EPB41L1: variants seen among roughly 807,000 people sequenced by gnomAD.
The protein encoded by EPB41L1 is band 4.1-like protein 1.
A neutral mutation model predicts 97.8 loss-of-function variants in EPB41L1; 29 were observed. The ratio of observed to expected loss-of-function variants is 0.30; its 90% confidence interval spans 0.22 to 0.40. The LOEUF is 0.40. Among genes scored for constraint, EPB41L1 ranks in the 10% least tolerant of loss-of-function variants. The pLI is 1.00. For synonymous variants in EPB41L1, 383 were observed against 459.2 expected (o/e 0.83, Z 2.12); for missense variants, 812 against 1,162.3 (o/e 0.70, Z 4.38).
rs115152947 is a variant in EPB41L1 at position 36,201,323 on chromosome 20, G to A, written c.1668+3282G>A. Among the ~76,000 whole-genome samples, 1,204 of 152,252 alleles carry A rather than the reference G, an allele frequency of 7.9e-3. 12 individuals are homozygous for A. The highest frequency in any genetic ancestry group is 0.028 in the African/African-American group (1,156 of 41,536). On this transcript the variant is annotated intron_variant, in intron 14 of 21. Transcript: ENST00000338074. ...GTGAGGCAGGTGACTCTAGAGGCAG[G>A]CCCTGACTTCTATGCTTAGGGTCAG...
intron 2 of EPB41L1, among the ~76,000 whole-genome samples, chr20:36,123,727 T>C (rs2058847491): frequency 6.6e-6 from 1 of 152,182 alleles, no homozygotes; most frequent in South Asian, 2.1e-4. Context: ...CCACTGCGCT[T>C]GGGCAGAAAA....
intron 1 of EPB41L1, among the ~76,000 whole-genome samples, chr20:36,160,572 A>G (rs1038644307): frequency 4.3e-4 from 66 of 152,074 alleles, no homozygotes; most frequent in Non-Finnish European, 5.7e-4. Flanking sequence ...CCTGGGTGAC[A>G]GAGCGAGACT....
intron 2 of EPB41L1, among the ~76,000 whole-genome samples, chr20:36,112,661 T>G (rs2058444028): frequency 6.6e-6 from 1 of 152,174 alleles, no homozygotes; most frequent in South Asian, 2.1e-4. Flanking sequence ...CCCTCCCTGG[T>G]TTTGGCTTGT....
At chr20:36,153,412 C>G (rs2060137246), upstream of EPB41L1, among the ~76,000 whole-genome samples, 1 of 152,150 alleles carries the variant, frequency 6.6e-6, no homozygotes. Context: ...TGCTTCCCAG[C>G]TTGGGGCCTC....
rs771179516 is a variant in EPB41L1, at chr20:36,093,672, T to TGTGC, written c.-65+2076_-65+2079dup. On this transcript the variant is annotated intron_variant, in intron 1 of 19. Transcript: ENST00000202028. The surrounding 1 kb of genome is among the most constrained non-coding windows in gnomAD (Gnocchi z 5.4). ...GAGGGCGTGTCCTGCTTGAAGCCCG[T>TGTGC]GTGCGTGCGTGCGTGCGTGTGTGTG... Among the ~76,000 whole-genome samples, 5 of 148,390 alleles carry TGTGC rather than the reference T, an allele frequency of 3.4e-5. No individual in the cohort carries two copies. The highest frequency in any genetic ancestry group is 2.1e-4 in the South Asian group (1 of 4,652).
chr20:36,175,692 T>G lies in EPB41L1; in HGVS notation c.319T>G (p.Ser107Ala), dbSNP rs375649709. The G allele has an allele frequency of 1.6e-5, 26 of 1,613,912 alleles. No individual in the cohort carries two copies. The highest frequency in any genetic ancestry group is 2.1e-5 in the Non-Finnish European group (25 of 1,180,016). Residue 107 changes from serine (S) to alanine (A), a missense_variant, in exon 3 of 22, where the codon TCG (serine) becomes GCG (alanine). By Grantham distance (99) the Ser-to-Ala change is moderately conservative. This residue lies in a region of EPB41L1 where 230 missense variants were observed against 445.2 expected (regional missense o/e 0.52). Transcript: ENST00000338074. Reference protein sequence around the residue: ...AICRVTLLDASEYECEVEKHG... With the variant: ...AICRVTLLDAAEYECEVEKHG... The stretch of plus-strand genomic sequence containing the variant: ...CTGCCGGGTCACTCTGCTTGATGCC[T>G]CGGAGTATGAGTGTGAGGTGGAGGT...
At chr20:36,096,704 T>C (rs1028416734) in intron 1 of EPB41L1, among the ~76,000 whole-genome samples, 1 of 152,242 alleles carries the variant, frequency 6.6e-6, no homozygotes. Flanking sequence ...TCACAGGGCT[T>C]GTGAGAATTT....
At chr20:36,223,870 CA>C (rs1318142033) in intron 21 of EPB41L1, among the ~76,000 whole-genome samples, 1 of 152,156 alleles carries the variant, frequency 6.6e-6, no homozygotes, top group African/African-American at 2.4e-5. Context: ...GTACTTCACA[CA>C]TTTCATGGGC....
chr20:36,101,816 C>A (rs1304083056), intron 1 of EPB41L1, among the ~76,000 whole-genome samples: 1 of 152,078 alleles, frequency 6.6e-6, no homozygotes. Context: ...CGAGACCAGC[C>A]TGACATGGTG....
At chr20:36,162,466 A>G (rs1365091107) in intron 1 of EPB41L1, among the ~76,000 whole-genome samples, 1 of 152,182 alleles carries the variant, frequency 6.6e-6, no homozygotes. Context: ...CTTGAAACTG[A>G]CTAGCCATGT....
At chr20:36,201,830 C>T (rs1004528693) in intron 14 of EPB41L1, among the ~76,000 whole-genome samples, 3 of 152,114 alleles carry the variant, frequency 2.0e-5, no homozygotes, top group East Asian at 1.9e-4. Flanking sequence ...AGCTACTGAG[C>T]GATCATCTGG....
rs2058679247 is a variant in EPB41L1 at position 36,119,382 on chromosome 20, C to T, written c.-10+6902C>T. Among the ~76,000 whole-genome samples, 3 of 152,132 alleles carry T rather than the reference C, an allele frequency of 2.0e-5. 1 individual carries two copies. Among genetic ancestry groups the T allele is most frequent in the Non-Finnish European group, 4.4e-5 (3 of 68,022 alleles). The stretch of plus-strand genomic sequence containing the variant: ...CTTTGGGAGGCTGAGGTGGGCAGAT[C>T]GCTGGAGGTCAGTAGTTTGAGAACA... On this transcript the variant is annotated intron_variant, in intron 2 of 19. Coordinates refer to the EPB41L1 transcript ENST00000202028.
chr20:36,143,137 TTGTGTGTGTGTG>T lies in EPB41L1; in HGVS notation c.-10+30691_-10+30702del, dbSNP rs59256378. On this transcript the variant is annotated intron_variant, in intron 2 of 19. Coordinates refer to the EPB41L1 transcript ENST00000202028. ...TGTGGCTATGTGAGGGAGGGTGTGT[TTGTGTGTGTGTG>T]TGTGTGTGTGTGTGTGTGTGTGTGT... Among the ~76,000 whole-genome samples, 888 of 130,814 alleles carry T rather than the reference TTGTGTGTGTGTG, an allele frequency of 6.8e-3. 8 individuals are homozygous for T. Among genetic ancestry groups the T allele is most frequent in the Admixed American group, 0.011 (150 of 13,062 alleles). The allele number at this position is 130,814 out of a possible 152,430, so 85.8% of individuals were successfully genotyped here.
Position 36,206,526 on chromosome 20 carries a change from G to A in EPB41L1, c.1669-2962G>A, listed in dbSNP as rs2062819954. ...AAGACCAAGTCCTCCCTCCACCCCT[G>A]GAGGAGAGAAAAGGGCGCCTGGATG... is the stretch of plus-strand genomic sequence containing the variant. On this transcript the variant is annotated intron_variant, in intron 14 of 21. Transcript: ENST00000338074. This position sits in a 1 kb window ranked among gnomAD's most constrained non-coding sequence, Gnocchi z 5.5. 2 of 1,289,820 alleles carry A rather than the reference G, an allele frequency of 1.6e-6. No individual in the cohort carries two copies. Among genetic ancestry groups the A allele is most frequent in the Non-Finnish European group, 2.0e-6 (2 of 988,856 alleles). 79.9% of individuals were successfully genotyped at this position (1,289,820 alleles called of 1,614,324 possible). A position where few individuals can be genotyped will look rare whatever the true frequency, so the allele number is the denominator to read the frequency against.
intron 1 of EPB41L1, among the ~76,000 whole-genome samples, chr20:36,163,151 A>G (rs2060601963): frequency 6.7e-6 from 1 of 150,294 alleles, no homozygotes; most frequent in Non-Finnish European, 1.5e-5. Flanking sequence ...TTTTCTTGTA[A>G]TTCTTCTTTT....
upstream of EPB41L1, among the ~76,000 whole-genome samples, chr20:36,150,188 A>G (rs1390442272): frequency 6.6e-6 from 1 of 151,514 alleles, no homozygotes; most frequent in Non-Finnish European, 1.5e-5. Flanking sequence ...CTCCTGCCTC[A>G]GCCTCTGGAG....
At chr20:36,123,212 G>C (rs897370424) in intron 2 of EPB41L1, among the ~76,000 whole-genome samples, 1 of 151,988 alleles carries the variant, frequency 6.6e-6, no homozygotes, top group African/African-American at 2.4e-5. Context: ...GAATACAGAG[G>C]AAAGGCCCTC....
chr20:36,112,139 C>T (rs2058425002), intron 1 of EPB41L1, among the ~76,000 whole-genome samples: 1 of 152,224 alleles, frequency 6.6e-6, no homozygotes, highest in African/African-American at 2.4e-5. Flanking sequence ...GCCCCTCTTC[C>T]ATCCTCTACC....
chr20:36,214,145 A>G (rs1479521657), intron 16 of EPB41L1, among the ~76,000 whole-genome samples: 1 of 152,086 alleles, frequency 6.6e-6, no homozygotes, highest in Non-Finnish European at 1.5e-5. Flanking sequence ...TTTGCCAGAT[A>G]GTCTGAGATT....
Sources: allele counts gnomAD v4.1 joint callset (sites outside exome capture counted in the v4.1 genomes callset), GRCh38; gene constraint gnomAD v4.1.1; regional missense constraint gnomAD v4.1.1; non-coding constraint Gnocchi (gnomAD v3.1); transcripts MANE v1.5; gene names NCBI Gene and HGNC (gene_info 2026-07-23, HGNC 2026-07-21).